SLC25A17: variants seen among roughly 807,000 people sequenced by gnomAD.
SLC25A17 encodes the protein peroxisomal membrane protein PMP34.
SLC25A17 carries 26 observed loss-of-function variants against 38.5 expected under a neutral mutation model. The ratio of observed to expected loss-of-function variants is 0.68; its 90% CI spans 0.50 to 0.94. The LOEUF (loss-of-function observed/expected upper bound fraction) is 0.94, where lower values mean the gene tolerates loss of function less well. SLC25A17 is among the 40% of genes least tolerant of loss of function. SLC25A17 has a pLI of 0.00. For missense variants in SLC25A17, 333 were observed against 372.7 expected (o/e 0.89, Z 0.88); for synonymous variants, 139 against 136.2 (o/e 1.02, Z -0.14).
chr22:40,809,379 C>G (rs952499922), intron 1 of SLC25A17, among the ~76,000 whole-genome samples: 1 of 151,736 alleles, frequency 6.6e-6, no homozygotes, highest in Non-Finnish European at 1.5e-5. Context: ...CTTTGGGAGG[C>G]CGAGGTGGGC....
At chr22:40,815,226 C>G (rs925225694) in intron 1 of SLC25A17, among the ~76,000 whole-genome samples, 1 of 152,090 alleles carries the variant, frequency 6.6e-6, no homozygotes, top group African/African-American at 2.4e-5. Context: ...ATGGGACAGA[C>G]CTGACCATGT....
At chr22:40,794,458 G>T in intron 3 of SLC25A17, 56 bp downstream of exon 3, 1 of 1,035,228 alleles carries the variant, frequency 9.7e-7, no homozygotes, top group Non-Finnish European at 1.5e-6. Context: ...TCTACTGGAA[G>T]CACAGGAATC....
chr22:40,817,130 C>G (rs1276302475), intron 1 of SLC25A17: 1 of 152,242 alleles, frequency 6.6e-6, no homozygotes, highest in East Asian at 1.9e-4. Context: ...CACCACTCCA[C>G]CAAAACTGGT....
intron 2 of SLC25A17, among the ~76,000 whole-genome samples, chr22:40,795,214 C>G (rs1309854146): frequency 6.6e-6 from 1 of 152,180 alleles, no homozygotes; most frequent in Admixed American, 6.5e-5. Context: ...ATCCCTTGCC[C>G]TTCATCTGTT....
intron 1 of SLC25A17, among the ~76,000 whole-genome samples, chr22:40,801,940 G>A (rs1403825661): frequency 2.0e-5 from 3 of 152,008 alleles, no homozygotes; most frequent in South Asian, 4.1e-4. Flanking sequence ...AAGGGCGCCC[G>A]CCTCCATGCC....
intron 1 of SLC25A17, among the ~76,000 whole-genome samples, chr22:40,808,700 G>A (rs572023951): frequency 1.3e-5 from 2 of 152,300 alleles, no homozygotes; most frequent in Admixed American, 1.3e-4. Context: ...GTGGGTAAGA[G>A]GCAAATATTT....
At chr22:40,790,046 G>T (rs1272773326) in intron 4 of SLC25A17, among the ~76,000 whole-genome samples, 2 of 149,498 alleles carry the variant, frequency 1.3e-5, no homozygotes, top group African/African-American at 4.9e-5. Context: ...ACACACTCAA[G>T]AAAACACTTT....
rs183152858 is a variant in SLC25A17, at chr22:40,799,875, C to A, written c.55-792G>T. The stretch of plus-strand genomic sequence containing the variant: ...AAAGAAAACATTTCCCTGCATATGA[C>A]AAACTTAGGGGTTTGCAACCTAGGA... On this transcript the variant is annotated intron_variant, in intron 1 of 8. Transcript: ENST00000435456. 6.5e-4 allele frequency among the ~76,000 whole-genome samples: 99 copies of A among 152,280 alleles called. 2 individuals are homozygous for A. The South Asian group carries it at 0.013, about 19-fold the overall frequency.
chr22:40,800,716 T>C (rs2057473050), intron 1 of SLC25A17, among the ~76,000 whole-genome samples: 1 of 150,954 alleles, frequency 6.6e-6, no homozygotes, highest in Non-Finnish European at 1.5e-5. Flanking sequence ...ATTTTAATCA[T>C]GAGGTAGAGG....
intron 5 of SLC25A17, 95 bp from the exon 6 acceptor site, chr22:40,777,468 A>C: frequency 7.5e-7 from 1 of 1,339,308 alleles, no homozygotes; most frequent in Non-Finnish European, 1.0e-6. Context: ...CCAGAACACA[A>C]ACCATACTGG....
chr22:40,781,953 T>A (rs1483973351), intron 4 of SLC25A17, among the ~76,000 whole-genome samples: 1 of 152,078 alleles, frequency 6.6e-6, no homozygotes, highest in African/African-American at 2.4e-5. Flanking sequence ...CGGGTGCGGT[T>A]GCTCACGCCT....
chr22:40,800,766 G>A (rs1390357528), intron 1 of SLC25A17, among the ~76,000 whole-genome samples: 2 of 150,838 alleles, frequency 1.3e-5, no homozygotes, highest in African/African-American at 4.9e-5. Context: ...CTCCAGCCTG[G>A]GTGACAAAGC....
At chr22:40,815,155 A>G (rs913235043) in intron 1 of SLC25A17, among the ~76,000 whole-genome samples, 23 of 152,158 alleles carry the variant, frequency 1.5e-4, no homozygotes, top group African/African-American at 5.5e-4. Context: ...ACAAAGGGAA[A>G]GAGAACAGGC....
At chr22:40,808,064 T>C (rs1024941030) in intron 1 of SLC25A17, among the ~76,000 whole-genome samples, 4 of 113,182 alleles carry the variant, frequency 3.5e-5, no homozygotes, top group African/African-American at 1.5e-4. Context: ...ATAACCACAA[T>C]GTACAATACT....
chr22:40,804,669 T>C (rs948472445), intron 1 of SLC25A17, among the ~76,000 whole-genome samples: 5 of 152,216 alleles, frequency 3.3e-5, no homozygotes, highest in Non-Finnish European at 7.3e-5. Context: ...TCTCCTATTG[T>C]ATAGGTTGTC....
chr22:40,777,505 C>T (rs1243590485), intron 5 of SLC25A17, 132 bp from the exon 6 acceptor site: 15 of 1,075,730 alleles, frequency 1.4e-5, no homozygotes, highest in Non-Finnish European at 1.8e-5. Context: ...TTCTTGCAGC[C>T]GGTTGCAATG....
chr22:40,808,438 A>T (rs55793529), intron 1 of SLC25A17, among the ~76,000 whole-genome samples: 4,486 of 152,300 alleles, frequency 0.029, 215 homozygotes, highest in African/African-American at 0.1. Context: ...TCCTACTCCT[A>T]CTGTTTATTG....
chr22:40,783,842 A>C (rs1476279761), intron 4 of SLC25A17, among the ~76,000 whole-genome samples: 1 of 152,012 alleles, frequency 6.6e-6, no homozygotes, highest in Non-Finnish European at 1.5e-5. Context: ...AGTAGCTGGG[A>C]TGATAGGTGC....
chr22:40,797,020 A>C (rs1355927463), intron 2 of SLC25A17, among the ~76,000 whole-genome samples: 1 of 152,214 alleles, frequency 6.6e-6, no homozygotes, highest in African/African-American at 2.4e-5. Flanking sequence ...GGAGAAAATT[A>C]AGACTATATA....
Sources: allele counts gnomAD v4.1 joint callset (sites outside exome capture counted in the v4.1 genomes callset), GRCh38; gene constraint gnomAD v4.1.1; transcripts MANE v1.5; gene names NCBI Gene and HGNC (gene_info 2026-07-23, HGNC 2026-07-21).